Variants in ADAMTS20 observed in about 807,000 individuals in gnomAD.
The protein encoded by ADAMTS20 is A disintegrin and metalloproteinase with thrombospondin motifs 20.
A neutral mutation model predicts 260.1 loss-of-function variants in ADAMTS20; 225 were observed. The ratio of observed to expected loss-of-function variants is 0.87; its 90% CI spans 0.78 to 0.97. ADAMTS20 has a LOEUF of 0.97. Ranked by LOEUF, ADAMTS20 falls within the 50% of genes least tolerant of loss-of-function variation. The probability of loss-of-function intolerance (pLI) is 0.00; values close to 1 mark genes in which losing one functional copy is unlikely to be tolerated. For synonymous variants in ADAMTS20, 802 were observed against 769.5 expected (o/e 1.04, Z -0.70); for missense variants, 2,400 against 2,337.7 (o/e 1.03, Z -0.55).
At chr12:43,371,984 A>G (rs1478107631) in intron 36 of ADAMTS20, among the ~76,000 whole-genome samples, 2 of 152,210 alleles carry the variant, frequency 1.3e-5, no homozygotes, top group Non-Finnish European at 1.5e-5. Flanking sequence ...AGTGGTAAAC[A>G]TTTGGGTTTG....
intron 37 of ADAMTS20, among the ~76,000 whole-genome samples, chr12:43,361,437 A>C (rs1939865073): frequency 6.6e-6 from 1 of 152,268 alleles, no homozygotes; most frequent in Non-Finnish European, 1.5e-5. Flanking sequence ...CCCAATAACA[A>C]CCAATTTTGG....
At position 43,440,040 on chromosome 12, in the gene ADAMTS20, A is replaced by G; in HGVS notation, c.2320T>C (p.Phe774Leu). 1 of 1,561,348 alleles carries G rather than the reference A, an allele frequency of 6.4e-7. No individual in the cohort carries two copies. The highest frequency in any genetic ancestry group is 1.2e-5 in the South Asian group (1 of 85,352). ...ALSDAEGNFL[F>L]NGNFLLSTSK... ...GTACTTAGAAGAAAATTTCCATTGA[A>G]AAGAAAATTCCCTTCAGCGTCAGAT... Residue 774 changes from phenylalanine to leucine, a missense_variant, in exon 17 of 39, where the codon TTC becomes CTC. By Grantham distance (22) the Phe-to-Leu change is conservative. Transcript: ENST00000389420.
chr12:43,384,946 G>A (rs1309584285), intron 29 of ADAMTS20, among the ~76,000 whole-genome samples: 2 of 152,150 alleles, frequency 1.3e-5, no homozygotes, highest in African/African-American at 2.4e-5. Flanking sequence ...ATAGTAGAAT[G>A]TTTTATAATC....
At chr12:43,464,768 C>T (rs376969903) in intron 9 of ADAMTS20, 36 bp from the exon 10 acceptor site, 42 of 1,581,046 alleles carry the variant, frequency 2.7e-5, no homozygotes, top group African/African-American at 8.1e-5. Context: ...ATTGTGAATA[C>T]ACATGGATGC....
intron 29 of ADAMTS20, among the ~76,000 whole-genome samples, chr12:43,397,964 G>A (rs974662470): frequency 8.5e-5 from 13 of 152,124 alleles, no homozygotes; most frequent in African/African-American, 2.9e-4. Flanking sequence ...TTGACATGCT[G>A]AGCGCAAAGA....
At chr12:43,384,818 G>A (rs1451336521) in intron 29 of ADAMTS20, among the ~76,000 whole-genome samples, 2 of 152,158 alleles carry the variant, frequency 1.3e-5, no homozygotes, top group Admixed American at 6.6e-5. Flanking sequence ...AGTATTCCAT[G>A]TTATATACGT....
At chr12:43,373,810 G>A (rs1050890172) in intron 36 of ADAMTS20, among the ~76,000 whole-genome samples, 4 of 149,116 alleles carry the variant, frequency 2.7e-5, no homozygotes, top group African/African-American at 9.8e-5. Context: ...CTCCCAAGTA[G>A]CTGGGACTAC....
intron 14 of ADAMTS20, 76 bp from the exon 15 acceptor site, chr12:43,446,788 A>T: frequency 8.4e-7 from 1 of 1,194,392 alleles, no homozygotes. Context: ...AAATACATAC[A>T]ATCAGATATG....
intron 2 of ADAMTS20, among the ~76,000 whole-genome samples, chr12:43,547,566 A>G (rs1943457285): frequency 6.6e-6 from 1 of 152,212 alleles, no homozygotes; most frequent in African/African-American, 2.4e-5. Flanking sequence ...TTAGAGGTGT[A>G]GAAGAGTTCG....
intron 3 of ADAMTS20, among the ~76,000 whole-genome samples, chr12:43,530,637 TCCCACCC>T: frequency 6.6e-6 from 1 of 152,280 alleles, no homozygotes. Context: ...TCCTTGCTAA[TCCCACCC>T]TTTTGTCTAG....
Position 43,439,660 on chromosome 12 carries a change from G to A in ADAMTS20, c.2555C>T (p.Pro852Leu), listed in dbSNP as rs1451000972. 2 of 1,613,558 alleles carry A rather than the reference G, an allele frequency of 1.2e-6. No individual in the cohort carries two copies. The highest frequency in any genetic ancestry group is 1.7e-6 in the Non-Finnish European group (2 of 1,179,774). Residue 852 changes from proline (P) to leucine (L), a missense_variant, in exon 18 of 39, where the codon CCC (proline) becomes CTC (leucine). Coordinates refer to ENST00000389420, the MANE Select transcript of ADAMTS20 (RefSeq NM_025003.5). ...EERSDMFTWD[P>L]YGPWEGCTKM... The stretch of plus-strand genomic sequence containing the variant: ...GGTACAGCCTTCCCATGGTCCATAG[G>A]GGTCCCATGTGAACATGTCACTCCT...
rs769468050 is a variant in ADAMTS20 at position 43,551,261 on chromosome 12, AC to A, written c.100del (p.Val34Ter). 5 of 1,610,538 alleles carry A rather than the reference AC, an allele frequency of 3.1e-6. No individual in the cohort carries two copies. The highest frequency in any genetic ancestry group is 4.2e-6 in the Non-Finnish European group (5 of 1,177,314). On this transcript the variant is annotated frameshift_variant, in exon 2 of 39. Coordinates refer to ENST00000389420, the MANE Select transcript of ADAMTS20 (RefSeq NM_025003.5). LOFTEE classifies it high-confidence loss of function. This position sits in a 1 kb window ranked among gnomAD's most constrained non-coding sequence, Gnocchi z 4.6. ...VDFHPRQEAL[V>X]RTLTSYEVVI... ...TACTTCGTAGGAGGTCAGTGTCCTC[AC>A]CAGGGCTTCTGCAACAACAGCGACA...
At chr12:43,512,792 A>G (rs1228951265) in intron 3 of ADAMTS20, among the ~76,000 whole-genome samples, 2 of 152,216 alleles carry the variant, frequency 1.3e-5, no homozygotes, top group Non-Finnish European at 2.9e-5. Flanking sequence ...TGAAATTTCA[A>G]CAGCCACCAA....
At chr12:43,480,919 G>T (rs1444321567) in intron 7 of ADAMTS20, among the ~76,000 whole-genome samples, 1 of 151,940 alleles carries the variant, frequency 6.6e-6, no homozygotes, top group Non-Finnish European at 1.5e-5. Context: ...GGTGACTATA[G>T]TTATAATAAT....
At chr12:43,452,961 G>A (rs138654528) in intron 12 of ADAMTS20, among the ~76,000 whole-genome samples, 2 of 152,094 alleles carry the variant, frequency 1.3e-5, no homozygotes, top group Non-Finnish European at 2.9e-5. Flanking sequence ...AACAATGGAA[G>A]TTTTTTCTTA....
chr12:43,474,723 AG>A (rs1265087391), intron 7 of ADAMTS20, among the ~76,000 whole-genome samples: 3 of 62,498 alleles, frequency 4.8e-5, no homozygotes, highest in African/African-American at 1.9e-4. Context: ...ATATAAACAG[AG>A]CCAAAGACAA....
chr12:43,494,717 G>C (rs1158611399), intron 4 of ADAMTS20, among the ~76,000 whole-genome samples: 1 of 151,776 alleles, frequency 6.6e-6, no homozygotes, highest in Non-Finnish European at 1.5e-5. Flanking sequence ...TTTAAAATAG[G>C]AGCTGTGAAT....
intron 36 of ADAMTS20, among the ~76,000 whole-genome samples, chr12:43,372,497 C>A (rs566779615): frequency 6.6e-6 from 1 of 152,052 alleles, no homozygotes; most frequent in African/African-American, 2.4e-5. Flanking sequence ...TTGGAGAGTG[C>A]AGATTATAAC....
At chr12:43,398,890 C>T (rs1352319296) in intron 29 of ADAMTS20, among the ~76,000 whole-genome samples, 176 bp downstream of exon 29, 2 of 151,910 alleles carry the variant, frequency 1.3e-5, no homozygotes, top group African/African-American at 2.4e-5. Context: ...TAACTATAAA[C>T]TTAGGAAATG....
Sources: gnomAD v4.1 joint callset for allele counts (sites outside exome capture counted in the v4.1 genomes callset) on GRCh38, gnomAD v4.1.1 for gene constraint, Gnocchi (gnomAD v3.1) non-coding constraint, MANE v1.5 for transcripts, NCBI Gene and HGNC (gene_info 2026-07-23, HGNC 2026-07-21) for gene names.